The following AGBL1 variants were observed in gnomAD, a reference collection of about 807,000 sequenced individuals.
AGBL1 encodes the protein cytosolic carboxypeptidase 4.
Under a neutral mutation model 118.9 loss-of-function variants are expected in AGBL1, and 130 were observed. That is an observed-to-expected ratio of 1.09 (90% CI 0.95 to 1.26). The LOEUF is 1.26. Ranked by LOEUF, AGBL1 falls within the 50% of genes most tolerant of loss-of-function variation. The pLI, the probability that AGBL1 is intolerant of heterozygous loss-of-function variation, is 0.00. For synonymous variants in AGBL1, 555 were observed against 478.9 expected, an observed-to-expected ratio of 1.16 and a Z score of -2.08; for missense variants, 1,584 against 1,298.1, an observed-to-expected ratio of 1.22 and a Z score of -3.38.
chr15:86,823,864 A>C (rs1261706796), intron 22 of AGBL1, among the ~76,000 whole-genome samples: 1 of 152,172 alleles, frequency 6.6e-6, no homozygotes, highest in African/African-American at 2.4e-5. Flanking sequence ...AAAATTAACA[A>C]AATTCAGTAC....
chr15:86,678,590 A>G (rs1307317940), intron 22 of AGBL1, among the ~76,000 whole-genome samples: 1 of 151,954 alleles, frequency 6.6e-6, no homozygotes. Context: ...CCAAATTGTC[A>G]TTTACCTTTC....
At chr15:86,181,139 T>C (rs752763046) in intron 5 of AGBL1, among the ~76,000 whole-genome samples, 1 of 152,080 alleles carries the variant, frequency 6.6e-6, no homozygotes, top group Non-Finnish European at 1.5e-5. Context: ...CCTATCATAT[T>C]GTTCACACAC....
At chr15:86,534,083 G>C (rs1359328180) in intron 19 of AGBL1, among the ~76,000 whole-genome samples, 1 of 119,710 alleles carries the variant, frequency 8.4e-6, no homozygotes, top group Non-Finnish European at 1.6e-5. Flanking sequence ...TGCACAATGT[G>C]CACATGTACC....
chr15:86,101,282 T>A (rs1399804525), intron 1 of AGBL1, among the ~76,000 whole-genome samples: 1 of 152,174 alleles, frequency 6.6e-6, no homozygotes, highest in Non-Finnish European at 1.5e-5. Context: ...TAACATTTGG[T>A]CTATCCTGGA....
At chr15:86,102,392 T>C (rs1275049023) in intron 1 of AGBL1, among the ~76,000 whole-genome samples, 1 of 152,200 alleles carries the variant, frequency 6.6e-6, no homozygotes, top group Non-Finnish European at 1.5e-5. Flanking sequence ...TTTTATACTT[T>C]CACATGTTTT....
At chr15:86,607,059 A>G (rs867540669) in intron 21 of AGBL1, among the ~76,000 whole-genome samples, 1 of 152,202 alleles carries the variant, frequency 6.6e-6, no homozygotes, top group African/African-American at 2.4e-5. Flanking sequence ...AGTTGGAATG[A>G]TACAGTATGA....
At chr15:86,348,396 G>A (rs995423462) in intron 17 of AGBL1, among the ~76,000 whole-genome samples, 5 of 152,172 alleles carry the variant, frequency 3.3e-5, no homozygotes, top group Admixed American at 2.6e-4. Context: ...AGCTCTGCAG[G>A]GCACTGCTTC....
intron 22 of AGBL1, among the ~76,000 whole-genome samples, chr15:86,814,665 T>C (rs2078835543): frequency 6.6e-6 from 1 of 152,192 alleles, no homozygotes; most frequent in Non-Finnish European, 1.5e-5. Context: ...AATGATTCTA[T>C]TATCATGGTT....
chr15:86,434,385 G>A (rs942160072), intron 18 of AGBL1, among the ~76,000 whole-genome samples: 2 of 152,236 alleles, frequency 1.3e-5, no homozygotes, highest in Non-Finnish European at 2.9e-5. Flanking sequence ...TGAAATTGAT[G>A]AGGCGAGAAG....
chr15:86,143,610 C>G, intron 2 of AGBL1, 89 bp from the exon 3 acceptor site: 4 of 1,469,106 alleles, frequency 2.7e-6, no homozygotes, highest in Non-Finnish European at 3.7e-6. Flanking sequence ...CTAATTCTTG[C>G]TCTGTCTCTA....
rs1384468825 is a variant in AGBL1, at chr15:86,910,037, CCAGA to C, written c.*2746_*2749del. The C allele has an allele frequency of 6.6e-6, 1 of 152,164 alleles. No individual in the cohort carries two copies. Among genetic ancestry groups the C allele is most frequent in the East Asian group, 1.9e-4 (1 of 5,200 alleles). 9.4% of individuals were successfully genotyped at this position (152,164 alleles called of 1,614,324 possible). A position where few individuals can be genotyped will look rare whatever the true frequency, so the allele number is the denominator to read the frequency against. Reference sequence around the variant, plus strand: ...AAGACCTATTTTGTGCCCTCAGTAACCAGACAAAGAAGAACAATAAACATTCTAA... The same window carrying C: ...AAGACCTATTTTGTGCCCTCAGTAACCAAAGAAGAACAATAAACATTCTAA... On this transcript the variant is annotated 3_prime_UTR_variant, in exon 23 of 23. Coordinates refer to ENST00000614907, the MANE Select transcript of AGBL1 (RefSeq NM_001386094.1).
At chr15:86,548,840 C>T (rs1337259167) in intron 20 of AGBL1, among the ~76,000 whole-genome samples, 1 of 152,060 alleles carries the variant, frequency 6.6e-6, no homozygotes, top group African/African-American at 2.4e-5. Flanking sequence ...TTAATTGGCT[C>T]ATGGTTATGC....
Position 86,227,500 on chromosome 15 carries a change from C to T in AGBL1, c.526+2549C>T, listed in dbSNP as rs1012138675. Among the ~76,000 whole-genome samples, 7 of 152,234 alleles carry T rather than the reference C, an allele frequency of 4.6e-5. No homozygotes were observed. In the East Asian group the frequency reaches 1.3e-3, roughly 29 times the overall value. On this transcript the variant is annotated intron_variant, in intron 6 of 22. Transcript: ENST00000614907. ...GCAGGATATACAGCAACATCCCTGG[C>T]CTCTACCCACCAGACGCCAGTATCA... is the stretch of plus-strand genomic sequence containing the variant.
At chr15:86,507,120 T>C (rs12443065) in intron 18 of AGBL1, among the ~76,000 whole-genome samples, 65,793 of 151,856 alleles carry the variant, frequency 0.43, 15,283 homozygotes, top group East Asian at 0.68. Flanking sequence ...AAGCTACTAA[T>C]GATAAAGCCC....
At chr15:86,507,763 T>C (rs4493016) in intron 18 of AGBL1, among the ~76,000 whole-genome samples, 65,595 of 151,812 alleles carry the variant, frequency 0.43, 15,228 homozygotes, top group East Asian at 0.68. Flanking sequence ...TAAAAGAAGA[T>C]AGTGGCTTAG....
intron 22 of AGBL1, among the ~76,000 whole-genome samples, chr15:86,743,351 A>T (rs1035612434): frequency 6.6e-6 from 1 of 152,086 alleles, no homozygotes; most frequent in Non-Finnish European, 1.5e-5. Flanking sequence ...TTATCATCAA[A>T]TCTGTCACTC....
At chr15:86,463,166 G>C (rs2082354810) in intron 18 of AGBL1, among the ~76,000 whole-genome samples, 1 of 152,108 alleles carries the variant, frequency 6.6e-6, no homozygotes, top group South Asian at 2.1e-4. Context: ...TTGTGGTTTT[G>C]ATTTGCATTT....
rs555987436 is a variant in AGBL1 at position 86,551,879 on chromosome 15, A to G, written c.2818-2482A>G. 2.0e-5 allele frequency among the ~76,000 whole-genome samples: 3 copies of G among 152,304 alleles called. No homozygotes were observed. In the East Asian group the frequency reaches 5.8e-4, roughly 29 times the overall value. ...AATGGATATTACTAAGTTAAAGAAAACAACCTGAAAAGGCTACATACTGTA... is the reference window on the plus strand; with the variant it reads ...AATGGATATTACTAAGTTAAAGAAAGCAACCTGAAAAGGCTACATACTGTA... On this transcript the variant is annotated intron_variant, in intron 20 of 22. Transcript: ENST00000614907.
At chr15:86,571,096 A>G (rs1287311345) in intron 21 of AGBL1, among the ~76,000 whole-genome samples, 1 of 152,176 alleles carries the variant, frequency 6.6e-6, no homozygotes, top group Non-Finnish European at 1.5e-5. Flanking sequence ...CACCACAAGC[A>G]GCTTCCCTGG....
Sources: allele counts gnomAD v4.1 joint callset (sites outside exome capture counted in the v4.1 genomes callset), GRCh38; gene constraint gnomAD v4.1.1; transcripts MANE v1.5; gene names NCBI Gene and HGNC (gene_info 2026-07-23, HGNC 2026-07-21).